The following THAP4 variants were observed in gnomAD, a reference collection of about 807,000 sequenced individuals.
THAP4 encodes THAP domain containing 4, also known as peroxynitrite isomerase THAP4.
A neutral mutation model predicts 48.1 loss-of-function variants in THAP4; 18 were observed. The observed-to-expected ratio is 0.37, with a 90% CI of 0.26 to 0.56. The LOEUF (loss-of-function observed/expected upper bound fraction) is 0.56, where lower values mean the gene tolerates loss of function less well. Ranked by LOEUF, THAP4 falls within the 20% of genes least tolerant of loss-of-function variation. The probability of loss-of-function intolerance (pLI) is 0.78; values close to 1 mark genes in which losing one functional copy is unlikely to be tolerated. For synonymous variants in THAP4, 345 were observed against 324.9 expected (o/e 1.06, Z -0.66); for missense variants, 656 against 774.9 (o/e 0.85, Z 1.82).
intron 2 of THAP4, among the ~76,000 whole-genome samples, chr2:241,614,071 T>G (rs2067309891): frequency 2.0e-5 from 3 of 151,712 alleles, no homozygotes; most frequent in Non-Finnish European, 4.4e-5. Flanking sequence ...GGAGAATCAC[T>G]TGCGCCCAGG....
intron 2 of THAP4, among the ~76,000 whole-genome samples, chr2:241,617,896 G>A (rs1317012819): frequency 6.6e-6 from 1 of 152,194 alleles, no homozygotes; most frequent in Non-Finnish European, 1.5e-5. Flanking sequence ...AGACTGTCCT[G>A]TCTCCTGGCA....
chr2:241,605,016 G>A (rs1246480149), intron 3 of THAP4, among the ~76,000 whole-genome samples: 2 of 152,078 alleles, frequency 1.3e-5, no homozygotes, highest in African/African-American at 2.4e-5. Flanking sequence ...TTTCCACTCT[G>A]GTTCATTTTT....
At chr2:241,614,304 C>T (rs951648483) in intron 2 of THAP4, among the ~76,000 whole-genome samples, 1 of 152,152 alleles carries the variant, frequency 6.6e-6, no homozygotes, top group Non-Finnish European at 1.5e-5. Flanking sequence ...GCAGGCTTCC[C>T]AATCTTAGCA....
At chr2:241,636,197 C>G (rs997843949) in intron 1 of THAP4, among the ~76,000 whole-genome samples, 1 of 152,224 alleles carries the variant, frequency 6.6e-6, no homozygotes, top group Non-Finnish European at 1.5e-5. Flanking sequence ...TTCAATAACC[C>G]TATAAATAAC....
chr2:241,612,027 C>T lies in THAP4; in HGVS notation c.1241-5554G>A, dbSNP rs907828201. On this transcript the variant is annotated intron_variant, in intron 2 of 5. Transcript: ENST00000407315. The surrounding 1 kb of genome is among the most constrained non-coding windows in gnomAD (Gnocchi z 4.1). Reference sequence around the variant, plus strand: ...AAGTGATTCTCCCGCCTCAGCCTCCCGAGTAGTTGAATGAAGCTGCTCCAT... The same window carrying T: ...AAGTGATTCTCCCGCCTCAGCCTCCTGAGTAGTTGAATGAAGCTGCTCCAT... Among the ~76,000 whole-genome samples, 4 of 152,074 alleles carry T rather than the reference C, an allele frequency of 2.6e-5. No homozygotes were observed. Among genetic ancestry groups the T allele is most frequent in the Admixed American group, 6.5e-5 (1 of 15,272 alleles).
rs1303788434 is a variant in THAP4, at chr2:241,632,996, C to A, written c.1161G>T (p.Val387=). The A allele has an allele frequency of 1.2e-6, 2 of 1,613,794 alleles. No homozygotes were observed. Among genetic ancestry groups the A allele is most frequent in the Non-Finnish European group, 8.5e-7 (1 of 1,179,936 alleles). ...RQRVSRSDSQ[V]RKLQEKLDEL... ...CATCCAGCTTCTCCTGTAGCTTCCGCACCTGGCTGTCGGAGCGGCTGACCC... is the reference window on the plus strand; with the variant it reads ...CATCCAGCTTCTCCTGTAGCTTCCGAACCTGGCTGTCGGAGCGGCTGACCC... The change falls in exon 2 of 6, where the codon GTG becomes GTT. Residue 387 remains valine (V), a synonymous_variant. Transcript: ENST00000407315.
intron 2 of THAP4, among the ~76,000 whole-genome samples, chr2:241,607,519 C>T (rs77123341): frequency 0.037 from 5,616 of 151,572 alleles, 179 homozygotes; most frequent in East Asian, 0.15. Context: ...CTGCTTAACC[C>T]TCAAGTCTCA....
In THAP4 at chr2:241,616,163, G is replaced by T. The variant is rs2067343368; in HGVS notation, c.1241-9690C>A. On this transcript the variant is annotated intron_variant, in intron 2 of 5. Coordinates refer to ENST00000407315, the MANE Select transcript of THAP4 (RefSeq NM_015963.6). This position sits in a 1 kb window ranked among gnomAD's most constrained non-coding sequence, Gnocchi z 4.6. ...CCATCTATTCCCCCAAGTGGGCCTG[G>T]ATGGGCCAGAACCTTTTACGTAGGA... is the stretch of plus-strand genomic sequence containing the variant. 6.6e-6 allele frequency among the ~76,000 whole-genome samples: 1 copy of T among 152,224 alleles called. No homozygotes were observed. The highest frequency in any genetic ancestry group is 2.4e-5 in the African/African-American group (1 of 41,462).
In THAP4 at chr2:241,633,191, G is replaced by A. The variant is rs753342982; in HGVS notation, c.966C>T (p.Asp322=). ...CCTCGTTGATGGACATGGGGCTGGCGTCGCTGTGCTCGCTCTGCACGGCTT... is the reference window on the plus strand; with the variant it reads ...CCTCGTTGATGGACATGGGGCTGGCATCGCTGTGCTCGCTCTGCACGGCTT... ...ATEAVQSEHS[D]ASPMSINEVI... The change falls in exon 2 of 6, where the codon GAC becomes GAT. Residue 322 remains aspartate, a synonymous_variant. Coordinates refer to ENST00000407315, the MANE Select transcript of THAP4 (RefSeq NM_015963.6). The surrounding 1 kb of genome is among the most constrained non-coding windows in gnomAD (Gnocchi z 7.5). 36 of 1,608,702 alleles carry A rather than the reference G, an allele frequency of 2.2e-5. No homozygotes were observed. The highest frequency in any genetic ancestry group is 2.2e-4 in the South Asian group (20 of 90,728).
chr2:241,611,004 T>TA (rs967993945), intron 2 of THAP4, among the ~76,000 whole-genome samples: 13 of 151,666 alleles, frequency 8.6e-5, no homozygotes, highest in East Asian at 1.9e-4. Flanking sequence ...TCCCAAGAAT[T>TA]AAAAAAAACA....
At chr2:241,600,755 GA>G (rs1445237396) in intron 5 of THAP4, among the ~76,000 whole-genome samples, 1 of 148,016 alleles carries the variant, frequency 6.8e-6, no homozygotes, top group Non-Finnish European at 1.5e-5. Flanking sequence ...GAAAGAAAAT[GA>G]GAGAATATTT....
chr2:241,595,847 G>A (rs1311537515), intron 5 of THAP4, among the ~76,000 whole-genome samples: 1 of 152,148 alleles, frequency 6.6e-6, no homozygotes, highest in African/African-American at 2.4e-5. Flanking sequence ...CAAGAACCAG[G>A]CAGAGGCTGC....
chr2:241,627,960 C>G (rs939080367), intron 2 of THAP4, among the ~76,000 whole-genome samples: 5 of 152,136 alleles, frequency 3.3e-5, no homozygotes, highest in Non-Finnish European at 7.4e-5. Context: ...CACACTCCCT[C>G]TGGCTCCTGT....
rs760359244 is a variant in THAP4, at chr2:241,584,569, T to TA, written c.*36dup. On this transcript the variant is annotated 3_prime_UTR_variant, in exon 6 of 6. Coordinates refer to ENST00000407315, the MANE Select transcript of THAP4 (RefSeq NM_015963.6). ...GAGGAGCCGAACCGTTGAGGCACAG[T>TA]AGCCAGGCCCTCCCGAGGGCTCCAG... The TA allele has an allele frequency of 6.2e-7, 1 of 1,613,374 alleles. No homozygotes were observed. Among genetic ancestry groups the TA allele is most frequent in the Non-Finnish European group, 8.5e-7 (1 of 1,179,430 alleles).
At position 241,601,717 on chromosome 2, in the gene THAP4, A is replaced by C; in HGVS notation, c.1614+179T>G. 1 of 1,198,598 alleles carries C rather than the reference A, an allele frequency of 8.3e-7. No individual in the cohort carries two copies. Among genetic ancestry groups the C allele is most frequent in the Non-Finnish European group, 1.2e-6 (1 of 867,714 alleles). The allele number at this position is 1,198,598 out of a possible 1,614,324, so 74.2% of individuals were successfully genotyped here. A position where few individuals can be genotyped will look rare whatever the true frequency, so the allele number is the denominator to read the frequency against. The stretch of plus-strand genomic sequence containing the variant: ...CCACTGACCAGCCGAGGAGGGGGCA[A>C]TGAATTTAGGGAACATCCACCCTGG... On this transcript the variant is annotated intron_variant, in intron 5 of 5. Coordinates refer to ENST00000407315, the MANE Select transcript of THAP4 (RefSeq NM_015963.6). This position sits in a 1 kb window ranked among gnomAD's most constrained non-coding sequence, Gnocchi z 4.0.
Position 241,616,510 on chromosome 2 carries a change from T to C in THAP4, c.1241-10037A>G, listed in dbSNP as rs1482735083. Among the ~76,000 whole-genome samples the C allele has an allele frequency of 6.6e-6, 1 of 152,120 alleles. No homozygotes were observed. Among genetic ancestry groups the C allele is most frequent in the Non-Finnish European group, 1.5e-5 (1 of 68,024 alleles). ...AAGTGAGCTTTTGAGTGGACTTTGC[T>C]ATGTGCATGCCAGGTCAGGGAAGCA... On this transcript the variant is annotated intron_variant, in intron 2 of 5. Coordinates refer to ENST00000407315, the MANE Select transcript of THAP4 (RefSeq NM_015963.6). This position sits in a 1 kb window ranked among gnomAD's most constrained non-coding sequence, Gnocchi z 4.6.
At chr2:241,603,129 G>A (rs893258192) in intron 3 of THAP4, 50 bp from the exon 4 acceptor site, 1 of 1,444,266 alleles carries the variant, frequency 6.9e-7, no homozygotes, top group African/African-American at 1.4e-5. Context: ...CTCCAAGATG[G>A]CGTGGGCTGC....
chr2:241,585,593 T>C (rs79665753), intron 5 of THAP4, among the ~76,000 whole-genome samples: 22,415 of 151,860 alleles, frequency 0.15, 1,900 homozygotes, highest in South Asian at 0.37. Flanking sequence ...GAGACCCAAT[T>C]TGGAGCAACT....
intron 5 of THAP4, among the ~76,000 whole-genome samples, chr2:241,585,953 G>C (rs566764032): frequency 1.5e-5 from 2 of 131,556 alleles, no homozygotes; most frequent in East Asian, 4.8e-4. Context: ...AAAAGAAAAA[G>C]AAAGAAAAAA....
Sources: gnomAD v4.1 joint callset for allele counts (sites outside exome capture counted in the v4.1 genomes callset) on GRCh38, gnomAD v4.1.1 for gene constraint, Gnocchi (gnomAD v3.1) non-coding constraint, MANE v1.5 for transcripts, NCBI Gene and HGNC (gene_info 2026-07-23, HGNC 2026-07-21) for gene names.